Variants in FUT4 observed in about 807,000 individuals in gnomAD.
FUT4 encodes alpha-(1,3)-fucosyltransferase 4.
A neutral mutation model predicts 3.8 loss-of-function variants in FUT4; 1 was observed. The observed-to-expected ratio is 0.26, with a 90% confidence interval of 0.09 to 1.25. The LOEUF (loss-of-function observed/expected upper bound fraction) is 1.25. Ranked by LOEUF, FUT4 falls within the 50% of genes most tolerant of loss-of-function variation. The pLI is 0.47. For missense variants in FUT4, 880 were observed against 768.2 expected, an observed-to-expected ratio of 1.15 and a Z score of -1.72; for synonymous variants, 417 against 355.3, an observed-to-expected ratio of 1.17 and a Z score of -1.95.
rs1281712092 is a variant in FUT4 at position 94,545,541 on chromosome 11, T to A, written c.1408T>A (p.Ser470Thr). 6.2e-7 allele frequency: 1 copy of A among 1,613,672 alleles called. No homozygotes were observed. The highest frequency in any genetic ancestry group is 8.5e-7 in the Non-Finnish European group (1 of 1,180,012). The change falls in exon 1 of 1, where the codon TCG becomes ACG. Residue 470 changes from serine (S) to threonine (T), a missense_variant. By Grantham distance (58) the Ser-to-Thr change is moderately conservative. Around this residue, in one of 3 missense-constraint regions of FUT4, gnomAD observed 424 missense variants for 400.4 expected, o/e 1.06. Transcript: ENST00000358752. ...DDFPSASSLA[S>T]YLLFLDRNPA... ...CTTCCCAAGTGCCTCCTCCCTGGCC[T>A]CGTACCTGCTTTTCCTCGACCGCAA...
At position 94,544,023 on chromosome 11, in the gene FUT4, C is replaced by G; in HGVS notation, c.-111C>G. On this transcript the variant is annotated 5_prime_UTR_variant, in exon 1 of 1. Coordinates refer to ENST00000358752, the MANE Select transcript of FUT4 (RefSeq NM_002033.4). ...CCTCCTGTACCTTCCCAGGGATGAA[C>G]CGGGCCTTCCCTCTGGAAGGCGAGG... The G allele has an allele frequency of 2.3e-6, 3 of 1,317,898 alleles. No homozygotes were observed. The highest frequency in any genetic ancestry group is 2.9e-6 in the Non-Finnish European group (3 of 1,027,988). The allele number at this position is 1,317,898 out of a possible 1,614,324, so 81.6% of individuals were successfully genotyped here. A position where few individuals can be genotyped will look rare whatever the true frequency, so the allele number is the denominator to read the frequency against.
chr11:94,549,324 C>T lies in FUT4; in HGVS notation c.*3598C>T, dbSNP rs1299822246. 6.0e-6 allele frequency: 1 copy of T among 167,092 alleles called. No homozygotes were observed. Among genetic ancestry groups the T allele is most frequent in the Non-Finnish European group, 1.5e-5 (1 of 68,138 alleles). The allele number at this position is 167,092 out of a possible 1,614,324, so 10.4% of individuals were successfully genotyped here. Reference sequence around the variant, plus strand: ...CTGTGATTACCATCAGTCCATTTTACCGAGGAAGGAGCCAAGGTCCAGGCC... The same window carrying T: ...CTGTGATTACCATCAGTCCATTTTATCGAGGAAGGAGCCAAGGTCCAGGCC... On this transcript the variant is annotated 3_prime_UTR_variant, in exon 1 of 1. Transcript: ENST00000358752.
rs1565259749 is a variant in FUT4, at chr11:94,545,974, G to C, written c.*248G>C. The C allele has an allele frequency of 1.5e-6, 1 of 658,836 alleles. No individual in the cohort carries two copies. The highest frequency in any genetic ancestry group is 2.8e-6 in the Non-Finnish European group (1 of 351,566). The allele number at this position is 658,836 out of a possible 1,614,324, so 40.8% of individuals were successfully genotyped here. On this transcript the variant is annotated 3_prime_UTR_variant, in exon 1 of 1. Transcript: ENST00000358752. ...CTGATGGGCATCATTGTTTAGGGGT[G>C]AAGGAGGGGGTTCTTCCTCACCTTG...
At position 94,546,043 on chromosome 11, in the gene FUT4, G is replaced by C; in HGVS notation, c.*317G>C. ...AATAGCTTAGCGGCAAGAAGCCGTT[G>C]AGGCGGTTTCCTGAATTTCCCCATC... On this transcript the variant is annotated 3_prime_UTR_variant, in exon 1 of 1. Transcript: ENST00000358752. The C allele has an allele frequency of 2.3e-6, 1 of 443,094 alleles. No individual in the cohort carries two copies. Among genetic ancestry groups the C allele is most frequent in the Admixed American group, 3.4e-5 (1 of 29,498 alleles). 27.4% of individuals were successfully genotyped at this position (443,094 alleles called of 1,614,324 possible).
chr11:94,545,275 T>A lies in FUT4; in HGVS notation c.1142T>A (p.Val381Glu), dbSNP rs1947847481. The stretch of plus-strand genomic sequence containing the variant: ...TACTACCACCAACTGAGCCAACATG[T>A]GACCGTGGACGTGTTCGGCCGGGGC... ...VRYYHQLSQH[V>E]TVDVFGRGGP... Residue 381 changes from valine (V) to glutamate (E), a missense_variant, in exon 1 of 1, where the codon GTG becomes GAG. Transcript: ENST00000358752. 8.1e-6 allele frequency: 13 copies of A among 1,611,954 alleles called. No homozygotes were observed. Among genetic ancestry groups the A allele is most frequent in the Non-Finnish European group, 1.1e-5 (13 of 1,179,926 alleles).
In FUT4 at chr11:94,545,215, T is replaced by C; in HGVS notation, c.1082T>C (p.Val361Ala). 6.2e-7 allele frequency: 1 copy of C among 1,610,970 alleles called. No individual in the cohort carries two copies. The highest frequency in any genetic ancestry group is 8.5e-7 in the Non-Finnish European group (1 of 1,179,782). Reference protein sequence around the residue: ...SRKQGLVAWVVSHWDERQARV... With the variant: ...SRKQGLVAWVASHWDERQARV... ...AAACAGGGGCTGGTGGCATGGGTGG[T>C]GAGCCACTGGGACGAGCGCCAGGCC... is the stretch of plus-strand genomic sequence containing the variant. The change falls in exon 1 of 1, where the codon GTG becomes GCG. Residue 361 changes from valine to alanine, a missense_variant. Val to Ala is a moderately conservative substitution (Grantham distance 64). Coordinates refer to ENST00000358752, the MANE Select transcript of FUT4 (RefSeq NM_002033.4).
rs780135859 is a variant in FUT4, at chr11:94,545,034, T to C, written c.901T>C (p.Ser301Pro). The C allele has an allele frequency of 1.2e-6, 2 of 1,611,312 alleles. No individual in the cohort carries two copies. The highest frequency in any genetic ancestry group is 3.3e-5 in the Admixed American group (2 of 59,948). The part of the protein sequence containing the change: ...RWVWMNFESP[S>P]HSPGLRSLAS... Reference sequence around the variant, plus strand: ...GGTTTGGATGAACTTCGAGTCGCCCTCGCACTCCCCGGGGCTGCGAAGCCT... The same window carrying C: ...GGTTTGGATGAACTTCGAGTCGCCCCCGCACTCCCCGGGGCTGCGAAGCCT... The change falls in exon 1 of 1, where the codon TCG (serine) becomes CCG (proline). Residue 301 changes from serine (S) to proline (P), a missense_variant. Transcript: ENST00000358752.
rs2230274 is a variant in FUT4 at position 94,545,547 on chromosome 11, C to T, written c.1414C>T (p.Leu472=). The T allele has an allele frequency of 0.061, 98,994 of 1,613,698 alleles. 3,963 individuals are homozygous for T. The highest frequency in any genetic ancestry group is 0.16 in the Admixed American group (9,536 of 60,026). The part of the protein sequence containing the change: ...FPSASSLASY[L]LFLDRNPAVY... ...AAGTGCCTCCTCCCTGGCCTCGTAC[C>T]TGCTTTTCCTCGACCGCAACCCCGC... Residue 472 remains leucine, a synonymous_variant, in exon 1 of 1, where the codon CTG becomes TTG. Coordinates refer to ENST00000358752, the MANE Select transcript of FUT4 (RefSeq NM_002033.4).
Position 94,546,302 on chromosome 11 carries a change from A to G in FUT4, c.*576A>G. On this transcript the variant is annotated 3_prime_UTR_variant, in exon 1 of 1. Coordinates refer to ENST00000358752, the MANE Select transcript of FUT4 (RefSeq NM_002033.4). Reference sequence around the variant, plus strand: ...CCAAGAGGGGCCGCTGACTTCTTTCACAAGTACTATCTGTTCCCCTGTCCT... The same window carrying G: ...CCAAGAGGGGCCGCTGACTTCTTTCGCAAGTACTATCTGTTCCCCTGTCCT... The G allele has an allele frequency of 4.3e-6, 1 of 234,178 alleles. No individual in the cohort carries two copies. Among genetic ancestry groups the G allele is most frequent in the Non-Finnish European group, 9.3e-6 (1 of 107,936 alleles). 14.5% of individuals were successfully genotyped at this position (234,178 alleles called of 1,614,324 possible). A position where few individuals can be genotyped will look rare whatever the true frequency, so the allele number is the denominator to read the frequency against.
rs191746007 is a variant in FUT4, at chr11:94,546,020, T to C, written c.*294T>C. 44 of 498,160 alleles carry C rather than the reference T, an allele frequency of 8.8e-5. No individual in the cohort carries two copies. In the East Asian group the frequency reaches 1.8e-3, roughly 20 times the overall value. 30.9% of individuals were successfully genotyped at this position (498,160 alleles called of 1,614,324 possible). A position where few individuals can be genotyped will look rare whatever the true frequency, so the allele number is the denominator to read the frequency against. On this transcript the variant is annotated 3_prime_UTR_variant, in exon 1 of 1. Coordinates refer to ENST00000358752, the MANE Select transcript of FUT4 (RefSeq NM_002033.4). ...CCTTGTAACCAGTGCAGAAATGAAA[T>C]AGCTTAGCGGCAAGAAGCCGTTGAG...
Position 94,545,198 on chromosome 11 carries a change from G to T in FUT4, c.1065G>T (p.Gly355=). 14 of 1,611,218 alleles carry T rather than the reference G, an allele frequency of 8.7e-6. No homozygotes were observed. The highest frequency in any genetic ancestry group is 2.2e-5 in the East Asian group (1 of 44,846). The part of the protein sequence containing the change: ...GLAPPLSRKQ[G]LVAWVVSHWD... ...CCCCGCCACTGTCCAGGAAACAGGG[G>T]CTGGTGGCATGGGTGGTGAGCCACT... Residue 355 remains glycine, a synonymous_variant, in exon 1 of 1, where the codon GGG becomes GGT. Coordinates refer to ENST00000358752, the MANE Select transcript of FUT4 (RefSeq NM_002033.4).
Position 94,544,913 on chromosome 11 carries a change from C to A in FUT4, c.780C>A (p.Ala260=), listed in dbSNP as rs745830051. The A allele has an allele frequency of 3.7e-6, 6 of 1,608,592 alleles. No individual in the cohort carries two copies. The highest frequency in any genetic ancestry group is 1.1e-5 in the South Asian group (1 of 90,656). The change falls in exon 1 of 1, where the codon GCC becomes GCA. Residue 260 remains alanine, a synonymous_variant. Coordinates refer to ENST00000358752, the MANE Select transcript of FUT4 (RefSeq NM_002033.4). ...PPPWGIQAHT[A]EEVDLRVLDY... is the part of the protein sequence containing the mutation. The stretch of plus-strand genomic sequence containing the variant: ...CCTGGGGCATCCAGGCGCACACTGC[C>A]GAGGAGGTGGATCTGCGCGTGTTGG...
rs1947835524 is a variant in FUT4 at position 94,544,547 on chromosome 11, C to T, written c.414C>T (p.Gly138=). ...APWGSPTAAA[G]GRRGWRRGRG... is the part of the protein sequence containing the mutation. Reference sequence around the variant, plus strand: ...GGGGCTCGCCGACGGCGGCGGCGGGCGGGCGGCGCGGGTGGCGCCGAGGCC... The same window carrying T: ...GGGGCTCGCCGACGGCGGCGGCGGGTGGGCGGCGCGGGTGGCGCCGAGGCC... Residue 138 remains glycine, a synonymous_variant, in exon 1 of 1, where the codon GGC becomes GGT. Coordinates refer to ENST00000358752, the MANE Select transcript of FUT4 (RefSeq NM_002033.4). The T allele has an allele frequency of 7.8e-7, 1 of 1,289,680 alleles. No homozygotes were observed. Among genetic ancestry groups the T allele is most frequent in the East Asian group, 3.1e-5 (1 of 31,952 alleles). 79.9% of individuals were successfully genotyped at this position (1,289,680 alleles called of 1,614,324 possible).
At position 94,545,881 on chromosome 11, in the gene FUT4, C is replaced by T. The variant is rs1180346530; in HGVS notation, c.*155C>T. The T allele has an allele frequency of 3.1e-6, 3 of 969,378 alleles. No individual in the cohort carries two copies. Among genetic ancestry groups the T allele is most frequent in the Admixed American group, 2.0e-5 (1 of 50,254 alleles). The allele number at this position is 969,378 out of a possible 1,614,324, so 60.0% of individuals were successfully genotyped here. ...AAAAACGATTTACCAATTAATATTA[C>T]TCAGCACAGAGATGGGGGCCCGGTT... On this transcript the variant is annotated 3_prime_UTR_variant, in exon 1 of 1. Coordinates refer to ENST00000358752, the MANE Select transcript of FUT4 (RefSeq NM_002033.4).
In FUT4 at chr11:94,544,377, G is replaced by A. The variant is rs865875194; in HGVS notation, c.244G>A (p.Ala82Thr). 5.8e-6 allele frequency: 9 copies of A among 1,542,298 alleles called. No homozygotes were observed. The highest frequency in any genetic ancestry group is 2.5e-5 in the East Asian group (1 of 40,096). The change falls in exon 1 of 1, where the codon GCC becomes ACC. Residue 82 changes from alanine to threonine, a missense_variant. By Grantham distance (58) the Ala-to-Thr change is moderately conservative (BLOSUM62 0). This residue lies in a region of FUT4 where 447 missense variants were observed against 339.5 expected (regional missense o/e 1.32). Coordinates refer to ENST00000358752, the MANE Select transcript of FUT4 (RefSeq NM_002033.4). ...QGPRPLHSGT[A>T]PFHSRASGER... ...CCCGCGGCCTTTGCATTCTGGGACC[G>A]CCCCCTTCCATTCCCGGGCCAGCGG...
chr11:94,544,312 C>T lies in FUT4; in HGVS notation c.179C>T (p.Ala60Val), dbSNP rs752685639. 3.0e-5 allele frequency: 46 copies of T among 1,556,354 alleles called. No individual in the cohort carries two copies. The highest frequency in any genetic ancestry group is 4.0e-5 in the Non-Finnish European group (46 of 1,157,478). Residue 60 changes from alanine (A) to valine (V), a missense_variant, in exon 1 of 1, where the codon GCG (alanine) becomes GTG (valine). Physicochemically the swap from Ala to Val is moderately conservative, Grantham distance 64. Around this residue, in one of 3 missense-constraint regions of FUT4, gnomAD observed 447 missense variants for 339.5 expected, o/e 1.32. Transcript: ENST00000358752. ...TCCTGGCCAGCTCACCTTGCCCTGG[C>T]GGCTCGCCCCGCCCGGCACTTGGGA... The part of the protein sequence containing the change: ...WASWPAHLAL[A>V]ARPARHLGGA...
In FUT4 at chr11:94,544,870, C is replaced by T. The variant is rs1375793244; in HGVS notation, c.737C>T (p.Pro246Leu). The T allele has an allele frequency of 2.5e-6, 4 of 1,608,906 alleles. No homozygotes were observed. The highest frequency in any genetic ancestry group is 3.4e-6 in the Non-Finnish European group (4 of 1,179,486). Residue 246 changes from proline (P) to leucine (L), a missense_variant, in exon 1 of 1, where the codon CCC becomes CTC. By Grantham distance (98) the Pro-to-Leu change is moderately conservative. Coordinates refer to ENST00000358752, the MANE Select transcript of FUT4 (RefSeq NM_002033.4). ...LFHHRDLVKG[P>L]PDWPPPWGIQ... ...CACCACCGCGACCTCGTGAAGGGGC[C>T]CCCCGACTGGCCCCCGCCCTGGGGC... is the stretch of plus-strand genomic sequence containing the variant.
At position 94,545,885 on chromosome 11, in the gene FUT4, G is replaced by C; in HGVS notation, c.*159G>C. On this transcript the variant is annotated 3_prime_UTR_variant, in exon 1 of 1. Transcript: ENST00000358752. ...ACGATTTACCAATTAATATTACTCA[G>C]CACAGAGATGGGGGCCCGGTTTCCA... is the stretch of plus-strand genomic sequence containing the variant. 1.1e-6 allele frequency: 1 copy of C among 930,806 alleles called. No homozygotes were observed. Among genetic ancestry groups the C allele is most frequent in the Non-Finnish European group, 1.7e-6 (1 of 581,570 alleles). 57.7% of individuals were successfully genotyped at this position (930,806 alleles called of 1,614,324 possible). A position where few individuals can be genotyped will look rare whatever the true frequency, so the allele number is the denominator to read the frequency against.
chr11:94,548,337 G>T lies in FUT4; in HGVS notation c.*2611G>T. 6.5e-6 allele frequency: 1 copy of T among 153,002 alleles called. No homozygotes were observed. 9.5% of individuals were successfully genotyped at this position (153,002 alleles called of 1,614,324 possible). A position where few individuals can be genotyped will look rare whatever the true frequency, so the allele number is the denominator to read the frequency against. On this transcript the variant is annotated 3_prime_UTR_variant, in exon 1 of 1. Coordinates refer to ENST00000358752, the MANE Select transcript of FUT4 (RefSeq NM_002033.4). ...GGCTCACTGCAACCTCCGCCTCCCA[G>T]GTTCAAGCGATTCTCCTGCCTCAGC...
Sources: allele counts gnomAD v4.1 joint callset, GRCh38; gene constraint gnomAD v4.1.1; regional missense constraint gnomAD v4.1.1; transcripts MANE v1.5; gene names NCBI Gene and HGNC (gene_info 2026-07-23, HGNC 2026-07-21).